The following DLG2 variants were observed in gnomAD, a reference collection of about 807,000 sequenced individuals.
The protein encoded by DLG2 is disks large homolog 2.
A neutral mutation model predicts 132.5 loss-of-function variants in DLG2; 45 were observed. That is an observed-to-expected ratio of 0.34 (90% CI 0.27 to 0.44). The LOEUF (loss-of-function observed/expected upper bound fraction) is 0.44. DLG2 is among the 20% of genes least tolerant of loss of function. The pLI, the probability that DLG2 is intolerant of heterozygous loss-of-function variation, is 1.00. For missense variants in DLG2, 1,045 were observed against 1,196.9 expected (o/e 0.87, Z 1.87); for synonymous variants, 424 against 419.6 (o/e 1.01, Z -0.13).
intron 7 of DLG2, among the ~76,000 whole-genome samples, chr11:84,325,482 G>A (rs1212426858): frequency 6.6e-6 from 1 of 151,464 alleles, no homozygotes; most frequent in Non-Finnish European, 1.5e-5. Context: ...TTTGTCAACT[G>A]CTTTTTCTGC....
intron 3 of DLG2, among the ~76,000 whole-genome samples, chr11:85,458,574 T>C (rs974822345): frequency 6.6e-6 from 1 of 152,260 alleles, no homozygotes; most frequent in Admixed American, 6.5e-5. Flanking sequence ...ATAACTGACG[T>C]GTAGTTTCAG....
intron 7 of DLG2, among the ~76,000 whole-genome samples, chr11:84,346,456 T>C (rs1360549864): frequency 6.6e-6 from 1 of 152,232 alleles, no homozygotes; most frequent in African/African-American, 2.4e-5. Flanking sequence ...CTTGAGAAAT[T>C]AACTTGCTGA....
intron 5 of DLG2, among the ~76,000 whole-genome samples, chr11:85,140,875 C>T (rs1185492946): frequency 2.6e-5 from 4 of 151,880 alleles, no homozygotes; most frequent in South Asian, 2.1e-4. Context: ...AACATAATGA[C>T]CTCAAGTTCC....
chr11:83,617,816 G>A (rs541143397), intron 19 of DLG2, among the ~76,000 whole-genome samples: 1 of 152,248 alleles, frequency 6.6e-6, no homozygotes, highest in South Asian at 2.1e-4. Flanking sequence ...GACCAACATG[G>A]TGAAACTCCA....
intron 14 of DLG2, among the ~76,000 whole-genome samples, chr11:83,950,450 T>C (rs1037051875): frequency 6.6e-6 from 1 of 152,112 alleles, no homozygotes; most frequent in Non-Finnish European, 1.5e-5. Flanking sequence ...CAAGATTAGC[T>C]GGGCATGGTG....
intron 15 of DLG2, among the ~76,000 whole-genome samples, chr11:83,894,001 T>G (rs946983123): frequency 1.3e-5 from 2 of 152,286 alleles, no homozygotes; most frequent in East Asian, 1.9e-4. Flanking sequence ...TTCTCCCACC[T>G]CCAAACTTTA....
chr11:84,677,200 G>A (rs192604012), intron 6 of DLG2, among the ~76,000 whole-genome samples: 9 of 152,174 alleles, frequency 5.9e-5, no homozygotes, highest in African/African-American at 1.9e-4. Flanking sequence ...ATGAAGGTGG[G>A]ACAATGAATC....
intron 7 of DLG2, among the ~76,000 whole-genome samples, chr11:84,363,220 T>C (rs2098661143): frequency 6.6e-6 from 1 of 151,494 alleles, no homozygotes; most frequent in Non-Finnish European, 1.5e-5. Flanking sequence ...TGTGATATGA[T>C]ATCTCATTGT....
At chr11:85,098,880 A>C (rs1014362836) in intron 6 of DLG2, among the ~76,000 whole-genome samples, 1 of 152,196 alleles carries the variant, frequency 6.6e-6, no homozygotes, top group African/African-American at 2.4e-5. Context: ...ATGTTTGTAC[A>C]TATTTTCCCT....
intron 6 of DLG2, among the ~76,000 whole-genome samples, chr11:85,052,080 G>A (rs905551951): frequency 6.6e-6 from 1 of 152,104 alleles, no homozygotes; most frequent in African/African-American, 2.4e-5. Context: ...TTTGGATCAA[G>A]AAGAAAAGAC....
At chr11:84,182,944 A>G (rs999402658) in intron 8 of DLG2, among the ~76,000 whole-genome samples, 1 of 152,228 alleles carries the variant, frequency 6.6e-6, no homozygotes, top group African/African-American at 2.4e-5. Flanking sequence ...AAGGATAATA[A>G]GAGAATATAC....
intron 7 of DLG2, among the ~76,000 whole-genome samples, chr11:84,476,209 A>G (rs1181354792): frequency 6.6e-6 from 1 of 152,130 alleles, no homozygotes; most frequent in Non-Finnish European, 1.5e-5. Flanking sequence ...AGTTCAACTC[A>G]CATCTATCTG....
At chr11:85,033,987 T>G (rs1258395809) in intron 6 of DLG2, among the ~76,000 whole-genome samples, 1 of 152,160 alleles carries the variant, frequency 6.6e-6, no homozygotes, top group East Asian at 1.9e-4. Flanking sequence ...TTAGCCTAAT[T>G]GATGTGAAGG....
intron 14 of DLG2, among the ~76,000 whole-genome samples, chr11:83,952,753 A>G (rs1345762949): frequency 6.6e-6 from 1 of 152,196 alleles, no homozygotes; most frequent in Non-Finnish European, 1.5e-5. Context: ...ACATACAGAC[A>G]TGGAAAAAAC....
At chr11:83,734,755 G>A (rs1232652639) in intron 18 of DLG2, among the ~76,000 whole-genome samples, 1 of 151,924 alleles carries the variant, frequency 6.6e-6, no homozygotes, top group Non-Finnish European at 1.5e-5. Context: ...CCAGCCCATA[G>A]TTTTCTTTAA....
At chr11:84,636,840 G>A (rs543835553) in intron 6 of DLG2, among the ~76,000 whole-genome samples, 2 of 151,412 alleles carry the variant, frequency 1.3e-5, no homozygotes, top group South Asian at 2.1e-4. Context: ...GGAGTGCAGT[G>A]GCACGATTTT....
chr11:84,632,929 T>C (rs2099634512), intron 6 of DLG2, among the ~76,000 whole-genome samples: 1 of 152,196 alleles, frequency 6.6e-6, no homozygotes. Flanking sequence ...ATTAAATGTA[T>C]ACCTTCTTCA....
chr11:84,084,351 T>C (rs1324348336), intron 10 of DLG2, among the ~76,000 whole-genome samples: 1 of 152,162 alleles, frequency 6.6e-6, no homozygotes, highest in Non-Finnish European at 1.5e-5. Flanking sequence ...TAGCTTCCTC[T>C]GAGAAACCAA....
At chr11:85,529,560 A>C (rs1315703513) in intron 3 of DLG2, among the ~76,000 whole-genome samples, 1 of 152,182 alleles carries the variant, frequency 6.6e-6, no homozygotes, top group Non-Finnish European at 1.5e-5. Context: ...TGCTTTAAAA[A>C]GTTCCCCTTA....
Sources: gnomAD v4.1 joint callset for allele counts (sites outside exome capture counted in the v4.1 genomes callset) on GRCh38, gnomAD v4.1.1 for gene constraint, MANE v1.5 for transcripts, NCBI Gene and HGNC (gene_info 2026-07-23, HGNC 2026-07-21) for gene names.